Variants in RNF121 observed in about 807,000 individuals in gnomAD.
The protein encoded by RNF121 is ring finger protein 121, also known as E3 ubiquitin ligase RNF121.
A neutral mutation model predicts 46.5 loss-of-function variants in RNF121; 21 were observed. The ratio of observed to expected loss-of-function variants is 0.45; its 90% confidence interval spans 0.32 to 0.65. The LOEUF (loss-of-function observed/expected upper bound fraction) is 0.65, where lower values mean the gene tolerates loss of function less well. Ranked by LOEUF, RNF121 falls within the 30% of genes least tolerant of loss-of-function variation. The probability of loss-of-function intolerance (pLI) is 0.04; values close to 1 mark genes in which losing one functional copy is unlikely to be tolerated. For missense variants in RNF121, 346 were observed against 416.0 expected (o/e 0.83, Z 1.46); for synonymous variants, 139 against 144.7 (o/e 0.96, Z 0.28).
At chr11:71,985,742 A>G (rs1269227601) in intron 4 of RNF121, among the ~76,000 whole-genome samples, 1 of 152,184 alleles carries the variant, frequency 6.6e-6, no homozygotes. Flanking sequence ...ATTAGCTCCC[A>G]TCACAGATAG....
intron 1 of RNF121, among the ~76,000 whole-genome samples, chr11:71,929,519 A>G (rs904597082): frequency 1.3e-5 from 2 of 151,984 alleles, no homozygotes; most frequent in Admixed American, 6.6e-5. Context: ...GTCTAAGCCT[A>G]GGGTGGGGGT....
intron 6 of RNF121, 100 bp from the exon 7 acceptor site, chr11:71,994,619 T>C (rs1954935000): frequency 5.7e-6 from 8 of 1,411,726 alleles, no homozygotes; most frequent in East Asian, 2.3e-5. Flanking sequence ...CCGCTGCCAC[T>C]GTGCCTCTTC....
chr11:71,940,921 G>A (rs1449175052), intron 1 of RNF121, among the ~76,000 whole-genome samples: 3 of 152,238 alleles, frequency 2.0e-5, no homozygotes, highest in Non-Finnish European at 2.9e-5. Flanking sequence ...GGAAGAGTGA[G>A]TGGTCCAGCA....
intron 1 of RNF121, among the ~76,000 whole-genome samples, chr11:71,949,569 A>G (rs1294099382): frequency 6.6e-6 from 1 of 152,142 alleles, no homozygotes; most frequent in Non-Finnish European, 1.5e-5. Flanking sequence ...TACAAAAATT[A>G]GCTGGGTGTG....
rs561772636 is a variant in RNF121, at chr11:71,963,707, A to G, written c.243+2816A>G. On this transcript the variant is annotated intron_variant, in intron 3 of 8. Coordinates refer to ENST00000361756, the MANE Select transcript of RNF121 (RefSeq NM_018320.5). Reference sequence around the variant, plus strand: ...TGTAAATGGTGTGAGATAAGAATCTAAGTTCATTCTTTTGCATGTGGATAG... The same window carrying G: ...TGTAAATGGTGTGAGATAAGAATCTGAGTTCATTCTTTTGCATGTGGATAG... Among the ~76,000 whole-genome samples, 7 of 152,326 alleles carry G rather than the reference A, an allele frequency of 4.6e-5. No individual in the cohort carries two copies. The East Asian group carries it at 1.3e-3, about 29-fold the overall frequency.
At chr11:71,950,273 G>A (rs1953840894) in intron 1 of RNF121, among the ~76,000 whole-genome samples, 1 of 151,964 alleles carries the variant, frequency 6.6e-6, no homozygotes, top group Admixed American at 6.6e-5. Context: ...GTATGCATAT[G>A]GTAGTCCCTT....
intron 3 of RNF121, among the ~76,000 whole-genome samples, chr11:71,975,326 C>T (rs987411116): frequency 1.3e-5 from 2 of 152,314 alleles, no homozygotes; most frequent in Middle Eastern, 3.4e-3. Context: ...CTTTGAGTCT[C>T]ATCTACCTCT....
chr11:71,986,946 G>T, intron 4 of RNF121, 58 bp from the exon 5 acceptor site: 1 of 980,440 alleles, frequency 1.0e-6, no homozygotes, highest in Non-Finnish European at 1.7e-6. Context: ...CTGGTGATCA[G>T]GACCATTAAG....
chr11:71,945,433 T>G (rs996558556), intron 1 of RNF121, among the ~76,000 whole-genome samples: 1 of 152,230 alleles, frequency 6.6e-6, no homozygotes, highest in African/African-American at 2.4e-5. Flanking sequence ...TGCAATATCA[T>G]CCCCACTGTT....
At chr11:71,981,450 T>G (rs1954656296) in intron 3 of RNF121, among the ~76,000 whole-genome samples, 1 of 152,160 alleles carries the variant, frequency 6.6e-6, no homozygotes, top group African/African-American at 2.4e-5. Flanking sequence ...AAAATATTCT[T>G]TGATTTTGTT....
Position 71,929,110 on chromosome 11 carries a change from C to T in RNF121, c.49C>T (p.Arg17Trp). Residue 17 changes from arginine to tryptophan, a missense_variant, in exon 1 of 9, where the codon CGG (arginine) becomes TGG (tryptophan). Around this residue, in one of 2 missense-constraint regions of RNF121, gnomAD observed 60 missense variants for 32.2 expected, o/e 1.86. Transcript: ENST00000361756. ...GGTTGGAGGTGGTGCTGCTGGGGAA[C>T]GGGAGCTGGATGAGGTAAGCGGAGT... The part of the protein sequence containing the change: ...VEVGGGAAGE[R>W]ELDEVDMSDL... 6.4e-7 allele frequency: 1 copy of T among 1,551,358 alleles called. No individual in the cohort carries two copies. Among genetic ancestry groups the T allele is most frequent in the Non-Finnish European group, 8.7e-7 (1 of 1,146,980 alleles).
intron 1 of RNF121, among the ~76,000 whole-genome samples, chr11:71,953,084 A>T (rs1201283974): frequency 6.6e-6 from 1 of 152,180 alleles, no homozygotes; most frequent in Non-Finnish European, 1.5e-5. Context: ...CCCAGACTGG[A>T]GTGCATTGCT....
intron 1 of RNF121, among the ~76,000 whole-genome samples, chr11:71,936,203 A>G (rs1312628934): frequency 3.3e-5 from 5 of 152,042 alleles, no homozygotes; most frequent in Non-Finnish European, 7.4e-5. Context: ...TAACATTGGA[A>G]TGATAGAATT....
At chr11:71,957,689 C>T (rs1954023270) in intron 2 of RNF121, among the ~76,000 whole-genome samples, 1 of 152,122 alleles carries the variant, frequency 6.6e-6, no homozygotes, top group Non-Finnish European at 1.5e-5. Context: ...AGATGATTAT[C>T]ATTAACATCA....
At chr11:71,966,450 A>G (rs1487961227) in intron 3 of RNF121, among the ~76,000 whole-genome samples, 13 of 151,908 alleles carry the variant, frequency 8.6e-5, no homozygotes, top group Admixed American at 8.5e-4. Context: ...TGTGGCAACT[A>G]CTTTTATTAA....
intron 3 of RNF121, among the ~76,000 whole-genome samples, chr11:71,973,101 G>A (rs1383113275): frequency 6.6e-6 from 1 of 151,874 alleles, no homozygotes; most frequent in Non-Finnish European, 1.5e-5. Flanking sequence ...CAGGAGAATC[G>A]CTTGAATCCA....
At chr11:71,960,688 G>T in intron 2 of RNF121, 62 bp from the exon 3 acceptor site, 1 of 1,568,142 alleles carries the variant, frequency 6.4e-7, no homozygotes, top group Non-Finnish European at 8.7e-7. Context: ...TCCCTGGAAA[G>T]CACTGTCCCT....
intron 1 of RNF121, among the ~76,000 whole-genome samples, chr11:71,930,282 C>T (rs796481168): frequency 1.5e-4 from 23 of 152,156 alleles, no homozygotes; most frequent in African/African-American, 5.3e-4. Flanking sequence ...TCTGAGGGGT[C>T]AGAATCTTAG....
chr11:71,955,810 A>G (rs573604973), intron 1 of RNF121, among the ~76,000 whole-genome samples: 13 of 152,292 alleles, frequency 8.5e-5, no homozygotes, highest in African/African-American at 3.1e-4. Flanking sequence ...GGTACCTCCC[A>G]TGTGTCCCCT....
Sources: gnomAD v4.1 joint callset for allele counts (sites outside exome capture counted in the v4.1 genomes callset) on GRCh38, gnomAD v4.1.1 for gene constraint, gnomAD v4.1.1 regional missense constraint, MANE v1.5 for transcripts, NCBI Gene and HGNC (gene_info 2026-07-23, HGNC 2026-07-21) for gene names.